Variants in KIF17 observed in about 807,000 individuals in gnomAD.
KIF17 encodes kinesin-like protein KIF17.
KIF17 carries 80 observed loss-of-function variants against 96.8 expected under a neutral mutation model. That is an observed-to-expected ratio of 0.83 (90% CI 0.69 to 1.00). The LOEUF (loss-of-function observed/expected upper bound fraction) is 1.00. KIF17 is among the 50% of genes least tolerant of loss of function. The probability of loss-of-function intolerance (pLI) is 0.00; values close to 1 mark genes in which losing one functional copy is unlikely to be tolerated. For missense variants in KIF17, 1,280 were observed against 1,372.9 expected (o/e 0.93, Z 1.07); for synonymous variants, 567 against 587.5 (o/e 0.97, Z 0.51).
rs747390481 is a variant in KIF17 at position 20,666,311 on chromosome 1, G to C, written c.2811C>G (p.Leu937=). 23 of 1,613,866 alleles carry C rather than the reference G, an allele frequency of 1.4e-5. No homozygotes were observed. Among genetic ancestry groups the C allele is most frequent in the Non-Finnish European group, 1.7e-6 (2 of 1,179,814 alleles). ...TTTCACTGTTGCTCCGACTGAGCAT[G>C]AGCCTGTAGCGGTCGTCCTCCTGCC... ...EPNMEDDRYR[L]MLSRSNSENI... is the part of the protein sequence containing the mutation. Residue 937 remains leucine (L), a synonymous_variant, in exon 14 of 15, where the codon CTC becomes CTG. Transcript: ENST00000400463.
In KIF17 at chr1:20,709,500, C is replaced by T. The variant is rs775987129; in HGVS notation, c.670+139G>A. ...CACGGGTCCCAGCATCCCAAGGGTC[C>T]TCTTGGGTTTCCTCCAGGCTGTTAG... On this transcript the variant is annotated intron_variant, in intron 4 of 14. Coordinates refer to ENST00000400463, the MANE Select transcript of KIF17 (RefSeq NM_001122819.3). This position sits in a 1 kb window ranked among gnomAD's most constrained non-coding sequence, Gnocchi z 4.7. The T allele has an allele frequency of 1.6e-5, 14 of 899,748 alleles. No homozygotes were observed. Among genetic ancestry groups the T allele is most frequent in the Non-Finnish European group, 2.5e-5 (14 of 552,276 alleles). The allele number at this position is 899,748 out of a possible 1,614,324, so 55.7% of individuals were successfully genotyped here.
In KIF17 at chr1:20,672,007, A is replaced by G; in HGVS notation, c.2653T>C (p.Cys885Arg). 1 of 1,614,170 alleles carries G rather than the reference A, an allele frequency of 6.2e-7. No individual in the cohort carries two copies. The highest frequency in any genetic ancestry group is 8.5e-7 in the Non-Finnish European group (1 of 1,180,050). The change falls in exon 12 of 15, where the codon TGC becomes CGC. Residue 885 changes from cysteine (C) to arginine (R), a missense_variant. By Grantham distance (180) the Cys-to-Arg change is radical. Transcript: ENST00000400463. This position sits in a 1 kb window ranked among gnomAD's most constrained non-coding sequence, Gnocchi z 4.3. ...SNLEKILRES[C>R]WDEDNGFWKI... ...CAGAAGCCGTTATCTTCGTCCCAGC[A>G]GGACTCACGCAGAATCTTCTCCAGG...
At chr1:20,689,496 C>G (rs1461792912) in intron 7 of KIF17, among the ~76,000 whole-genome samples, 1 of 152,024 alleles carries the variant, frequency 6.6e-6, no homozygotes, top group Non-Finnish European at 1.5e-5. Flanking sequence ...ACTGAAAACA[C>G]AAAAATTAGC....
chr1:20,709,517 G>A lies in KIF17; in HGVS notation c.670+122C>T, dbSNP rs535326552. The A allele has an allele frequency of 2.1e-5, 23 of 1,075,938 alleles. No homozygotes were observed. The highest frequency in any genetic ancestry group is 1.3e-4 in the Admixed American group (7 of 53,282). The allele number at this position is 1,075,938 out of a possible 1,614,324, so 66.6% of individuals were successfully genotyped here. On this transcript the variant is annotated intron_variant, in intron 4 of 14. Transcript: ENST00000400463. The surrounding 1 kb of genome is among the most constrained non-coding windows in gnomAD (Gnocchi z 4.7). Reference sequence around the variant, plus strand: ...CAAGGGTCCTCTTGGGTTTCCTCCAGGCTGTTAGAGCATCTCTTCCCACTT... The same window carrying A: ...CAAGGGTCCTCTTGGGTTTCCTCCAAGCTGTTAGAGCATCTCTTCCCACTT...
chr1:20,684,640 G>C (rs1420781937), intron 10 of KIF17, among the ~76,000 whole-genome samples, 169 bp downstream of exon 10: 1 of 152,216 alleles, frequency 6.6e-6, no homozygotes, highest in Non-Finnish European at 1.5e-5. Flanking sequence ...GTCTGGAGCA[G>C]AGCCCTGCCC....
At chr1:20,697,388 T>C (rs602166) in intron 6 of KIF17, among the ~76,000 whole-genome samples, 1 of 151,866 alleles carries the variant, frequency 6.6e-6, no homozygotes, top group African/African-American at 2.4e-5. Flanking sequence ...TGGGAGGATC[T>C]CTTGAGCCCA....
Position 20,713,553 on chromosome 1 carries a change from A to G in KIF17, c.381T>C (p.Cys127=), listed in dbSNP as rs150436266. 6.2e-6 allele frequency: 10 copies of G among 1,610,472 alleles called. No individual in the cohort carries two copies. In the African/African-American group the frequency reaches 1.3e-4, roughly 21 times the overall value. Residue 127 remains cysteine (C), a splice_region_variant and synonymous_variant, in exon 3 of 15, where the codon TGT becomes TGC. Transcript: ENST00000400463. ...AFEHVFESVQ[C]AENTKFLVRA... Reference sequence around the variant, plus strand: ...GGACCAGGAACTTAGTGTTCTCTGCACACTGCAGGGAGTACACAGAAAGAA... The same window carrying G: ...GGACCAGGAACTTAGTGTTCTCTGCGCACTGCAGGGAGTACACAGAAAGAA...
At chr1:20,675,736 A>G (rs2053727589) in intron 11 of KIF17, among the ~76,000 whole-genome samples, 2 of 152,238 alleles carry the variant, frequency 1.3e-5, no homozygotes, top group African/African-American at 4.8e-5. Flanking sequence ...TATTGCCTTG[A>G]ATCTGTAGAT....
chr1:20,690,352 G>GTGGGC lies in KIF17; in HGVS notation c.1234-18_1234-17insGCCCA. 1 of 451,166 alleles carries GTGGGC rather than the reference G, an allele frequency of 2.2e-6. No individual in the cohort carries two copies. Among genetic ancestry groups the GTGGGC allele is most frequent in the Non-Finnish European group, 4.3e-6 (1 of 235,144 alleles). 27.9% of individuals were successfully genotyped at this position (451,166 alleles called of 1,614,324 possible). ...TTCATACTCCTGGGGGGGTGGGAGG[G>GTGGGC]ACCAGAGGGCAGGCAGCATTTTATC... On this transcript the variant is annotated splice_polypyrimidine_tract_variant and intron_variant, in intron 6 of 14. Transcript: ENST00000400463.
In KIF17 at chr1:20,701,019, G is replaced by A. The variant is rs1230166575; in HGVS notation, c.1124-2531C>T. On this transcript the variant is annotated intron_variant, in intron 5 of 14. Transcript: ENST00000400463. ...CCCCACTCCCTTCTCCCTCCAGACC[G>A]ATGCTGGTGCTTCCCCATGTGTGTG... Among the ~76,000 whole-genome samples the A allele has an allele frequency of 5.3e-5, 8 of 152,182 alleles. No homozygotes were observed. The East Asian group carries it at 5.8e-4, about 11-fold the overall frequency.
chr1:20,705,530 G>A (rs1296664608), intron 4 of KIF17, among the ~76,000 whole-genome samples: 1 of 152,182 alleles, frequency 6.6e-6, no homozygotes, highest in African/African-American at 2.4e-5. Context: ...AGCTCACAAA[G>A]CCGCTGCCTC....
chr1:20,695,538 G>A (rs182359660), intron 6 of KIF17, among the ~76,000 whole-genome samples: 2 of 152,212 alleles, frequency 1.3e-5, no homozygotes, highest in East Asian at 1.9e-4. Context: ...GGCGGGTTTC[G>A]ACATGGCTGA....
At chr1:20,669,046 G>C (rs1433659173) in intron 13 of KIF17, among the ~76,000 whole-genome samples, 1 of 152,060 alleles carries the variant, frequency 6.6e-6, no homozygotes. Flanking sequence ...TGGTGGCCCT[G>C]CCTAGCCTGA....
At chr1:20,665,219 CTTTTT>C (rs59635021) in intron 14 of KIF17, among the ~76,000 whole-genome samples, 12 of 61,282 alleles carry the variant, frequency 2.0e-4, no homozygotes, top group South Asian at 7.9e-4. Flanking sequence ...CAAATTTGCT[CTTTTT>C]TTTTTTTTTT....
intron 13 of KIF17, among the ~76,000 whole-genome samples, chr1:20,668,743 A>T (rs529273955): frequency 6.6e-6 from 1 of 152,340 alleles, no homozygotes; most frequent in Non-Finnish European, 1.5e-5. Context: ...TCTGGCCTGC[A>T]GGCTATTTTT....
intron 1 of KIF17, among the ~76,000 whole-genome samples, chr1:20,715,916 G>A (rs1446839711): frequency 2.0e-5 from 3 of 152,188 alleles, no homozygotes; most frequent in Non-Finnish European, 4.4e-5. Context: ...TGTGCCCTTG[G>A]GCTGGCCTTA....
In KIF17 at chr1:20,671,948, G is replaced by T. The variant is rs781137040; in HGVS notation, c.2712C>A (p.Ser904Arg). ...KIPHPVITKT[S>R]LPVVSTGPQN... ...AGCCAAGCTCCTGACCTACTGGGAG[G>T]CTGGTTTTTGTGATGACGGGATGTG... Residue 904 changes from serine to arginine, a missense_variant, in exon 12 of 15, where the codon AGC (serine) becomes AGA (arginine). Physicochemically the swap from Ser to Arg is moderately radical, Grantham distance 110. Coordinates refer to ENST00000400463, the MANE Select transcript of KIF17 (RefSeq NM_001122819.3). 1.2e-6 allele frequency: 2 copies of T among 1,613,608 alleles called. No individual in the cohort carries two copies. Among genetic ancestry groups the T allele is most frequent in the East Asian group, 2.2e-5 (1 of 44,872 alleles).
At chr1:20,686,447 T>C (rs1392312688) in intron 8 of KIF17, 3 of 479,770 alleles carry the variant, frequency 6.3e-6, no homozygotes, top group African/African-American at 3.9e-5. Context: ...AAGGAAGTGG[T>C]AGACCTGGGA....
chr1:20,697,181 G>A (rs1223695915), intron 6 of KIF17, among the ~76,000 whole-genome samples: 1 of 152,238 alleles, frequency 6.6e-6, no homozygotes, highest in African/African-American at 2.4e-5. Flanking sequence ...GGCTTCTGGG[G>A]CCTGAGGACG....
Sources: gnomAD v4.1 joint callset for allele counts (sites outside exome capture counted in the v4.1 genomes callset) on GRCh38, gnomAD v4.1.1 for gene constraint, Gnocchi (gnomAD v3.1) non-coding constraint, MANE v1.5 for transcripts, NCBI Gene and HGNC (gene_info 2026-07-23, HGNC 2026-07-21) for gene names.